The following IL1RL1 variants were observed in gnomAD, a reference collection of about 807,000 sequenced individuals.
IL1RL1 encodes interleukin-1 receptor-like 1.
A neutral mutation model predicts 50.9 loss-of-function variants in IL1RL1; 32 were observed. That is an observed-to-expected ratio of 0.63 (90% CI 0.47 to 0.84). The LOEUF is 0.84. Among genes scored for constraint, IL1RL1 ranks in the 40% least tolerant of loss-of-function variants. IL1RL1 has a pLI of 0.00. For missense variants in IL1RL1, 773 were observed against 662.9 expected (o/e 1.17, Z -1.82); for synonymous variants, 275 against 236.0 (o/e 1.17, Z -1.51).
At chr2:102,345,596 G>A in intron 8 of IL1RL1, 1 of 985,436 alleles carries the variant, frequency 1.0e-6, no homozygotes, top group African/African-American at 1.7e-5. Context: ...GGGACAGCGG[G>A]CCCCCAATAT....
At chr2:102,330,029 C>A (rs1425090000) in intron 1 of IL1RL1, among the ~76,000 whole-genome samples, 5 of 152,112 alleles carry the variant, frequency 3.3e-5, no homozygotes, top group Non-Finnish European at 5.9e-5. Flanking sequence ...GCTATAAAGA[C>A]ACATGCATAT....
intron 1 of IL1RL1, among the ~76,000 whole-genome samples, chr2:102,337,906 CTG>C (rs1467001973): frequency 6.6e-6 from 1 of 152,070 alleles, no homozygotes; most frequent in Non-Finnish European, 1.5e-5. Context: ...AGCATGATAA[CTG>C]TGAAATAGCA....
chr2:102,326,720 C>G (rs1677012668), intron 1 of IL1RL1, among the ~76,000 whole-genome samples: 1 of 152,100 alleles, frequency 6.6e-6, no homozygotes, highest in Admixed American at 6.6e-5. Flanking sequence ...TCTGATAAAA[C>G]AGACTTTAAA....
At position 102,342,258 on chromosome 2, in the gene IL1RL1, G is replaced by A. The variant is rs111970215; in HGVS notation, c.646G>A (p.Ala216Thr). The A allele has an allele frequency of 3.8e-3, 6,139 of 1,611,566 alleles. 22 individuals are homozygous for A. Among genetic ancestry groups the A allele is most frequent in the Admixed American group, 9.3e-3 (555 of 59,960 alleles). The change falls in exon 6 of 11, where the codon GCC (alanine) becomes ACC (threonine). Residue 216 changes from alanine to threonine, a missense_variant. Coordinates refer to ENST00000233954, the MANE Select transcript of IL1RL1 (RefSeq NM_016232.5). Reference sequence around the variant, plus strand: ...CTTTTCTCTGTTTCCAGTAATCGGAGCCCCTGCACAAAATGAAATAAAGGA... The same window carrying A: ...CTTTTCTCTGTTTCCAGTAATCGGAACCCCTGCACAAAATGAAATAAAGGA... ...QGFSLFPVIG[A>T]PAQNEIKEVE...
chr2:102,333,266 G>C (rs115053482), intron 1 of IL1RL1, among the ~76,000 whole-genome samples: 3 of 152,302 alleles, frequency 2.0e-5, no homozygotes, highest in African/African-American at 4.8e-5. Context: ...AGAGACCATG[G>C]TGGCTTGGAC....
At chr2:102,350,910 T>C (rs1244790958) in intron 10 of IL1RL1, among the ~76,000 whole-genome samples, 2 of 152,234 alleles carry the variant, frequency 1.3e-5, no homozygotes, top group Non-Finnish European at 1.5e-5. Flanking sequence ...GGGTATTTCA[T>C]GTTCTTTCTG....
At chr2:102,313,043 C>T (rs1191842565) in intron 1 of IL1RL1, 1 of 151,976 alleles carries the variant, frequency 6.6e-6, no homozygotes, top group African/African-American at 2.4e-5. Context: ...CTATTCCATG[C>T]AGAGGTTTGG....
intron 8 of IL1RL1, 47 bp from the exon 9 acceptor site, chr2:102,347,898 T>C: frequency 8.8e-7 from 1 of 1,134,116 alleles, no homozygotes; most frequent in South Asian, 1.3e-5. Flanking sequence ...CAGTTTATTA[T>C]ATCTTGTTTC....
At chr2:102,329,295 G>T (rs150341880) in intron 1 of IL1RL1, among the ~76,000 whole-genome samples, 72,717 of 151,946 alleles carry the variant, frequency 0.48, 17,676 homozygotes, top group Middle Eastern at 0.64. Context: ...TATGTAGAAA[G>T]CTGAAACTGG....
At chr2:102,324,032 A>C (rs1267709069) in intron 1 of IL1RL1, among the ~76,000 whole-genome samples, 1 of 102,704 alleles carries the variant, frequency 9.7e-6, no homozygotes, top group Non-Finnish European at 2.2e-5. Flanking sequence ...TTTTTTGCTG[A>C]GTAGTGTTCC....
chr2:102,345,149 G>A, intron 8 of IL1RL1: 3 of 905,538 alleles, frequency 3.3e-6, no homozygotes, highest in Non-Finnish European at 2.6e-6. Context: ...ACAAGTCATT[G>A]TGCTTTTTAT....
chr2:102,334,394 A>G (rs1677252925), intron 1 of IL1RL1, among the ~76,000 whole-genome samples: 1 of 152,118 alleles, frequency 6.6e-6, no homozygotes, highest in African/African-American at 2.4e-5. Flanking sequence ...AGGATCCCAG[A>G]GACAAGCACT....
intron 1 of IL1RL1, among the ~76,000 whole-genome samples, chr2:102,325,304 A>G (rs1263912388): frequency 6.6e-6 from 1 of 152,200 alleles, no homozygotes; most frequent in East Asian, 1.9e-4. Context: ...GACAGTTAGA[A>G]GGAAAACTAA....
At chr2:102,332,762 T>G (rs1181634422) in intron 1 of IL1RL1, among the ~76,000 whole-genome samples, 1 of 152,210 alleles carries the variant, frequency 6.6e-6, no homozygotes, top group Non-Finnish European at 1.5e-5. Context: ...ATTGTGAATG[T>G]ACCAAATGTC....
In IL1RL1 at chr2:102,351,750, C is replaced by A; in HGVS notation, c.1500C>A (p.Leu500=). Residue 500 remains leucine, a synonymous_variant, in exon 11 of 11, where the codon CTC becomes CTA. Coordinates refer to ENST00000233954, the MANE Select transcript of IL1RL1 (RefSeq NM_016232.5). The stretch of plus-strand genomic sequence containing the variant: ...AGGCTGAGGCGCTTCAGGACTCCCT[C>A]CAGCATCTTATGAAAGTACAGGGGA... The part of the protein sequence containing the change: ...MLQAEALQDS[L]QHLMKVQGTI... The A allele has an allele frequency of 6.2e-7, 1 of 1,614,036 alleles. No homozygotes were observed. The highest frequency in any genetic ancestry group is 8.5e-7 in the Non-Finnish European group (1 of 1,179,946).
In IL1RL1 at chr2:102,311,611, C is replaced by T. The variant is rs1676472597; in HGVS notation, c.-162C>T. 6.6e-6 allele frequency: 1 copy of T among 150,444 alleles called. No homozygotes were observed. Among genetic ancestry groups the T allele is most frequent in the African/African-American group, 2.5e-5 (1 of 40,632 alleles). 9.3% of individuals were successfully genotyped at this position (150,444 alleles called of 1,614,324 possible). A position where few individuals can be genotyped will look rare whatever the true frequency, so the allele number is the denominator to read the frequency against. On this transcript the variant is annotated 5_prime_UTR_variant, in exon 1 of 11. Coordinates refer to ENST00000233954, the MANE Select transcript of IL1RL1 (RefSeq NM_016232.5). ...AGTTGAGGAAGAAAGAACTCAAGTACAACCCAATGAGGGTAAGTGGCTTTG... is the reference window on the plus strand; with the variant it reads ...AGTTGAGGAAGAAAGAACTCAAGTATAACCCAATGAGGGTAAGTGGCTTTG...
chr2:102,345,005 A>C (rs1415856880), intron 8 of IL1RL1: 1 of 950,754 alleles, frequency 1.1e-6, no homozygotes, highest in East Asian at 1.2e-4. Context: ...AAAATGTAAC[A>C]TTCTTTTTTA....
chr2:102,336,323 A>C (rs915806738), intron 1 of IL1RL1, among the ~76,000 whole-genome samples: 1 of 152,208 alleles, frequency 6.6e-6, no homozygotes, highest in African/African-American at 2.4e-5. Context: ...CATCATAATA[A>C]TAGCGCCTGC....
chr2:102,346,378 AG>A (rs1288041552), intron 8 of IL1RL1, among the ~76,000 whole-genome samples: 2 of 152,244 alleles, frequency 1.3e-5, no homozygotes, highest in African/African-American at 4.8e-5. Context: ...TTATGGAGCA[AG>A]GATTCAAACA....
Sources: allele counts gnomAD v4.1 joint callset (sites outside exome capture counted in the v4.1 genomes callset), GRCh38; gene constraint gnomAD v4.1.1; transcripts MANE v1.5; gene names NCBI Gene and HGNC (gene_info 2026-07-23, HGNC 2026-07-21).